SAMMSON: variants seen among roughly 807,000 people sequenced by gnomAD.
SAMMSON encodes the protein long intergenic non-protein coding RNA 1212.
chr3:70,197,117 C>T (rs1429104580), intron 4 of SAMMSON: 1 of 398,430 alleles, frequency 2.5e-6, no homozygotes, highest in Non-Finnish European at 4.4e-6. Context: ...TCGCAGGTGC[C>T]GGGGAGCATC....
intron 2 of SAMMSON, among the ~76,000 whole-genome samples, chr3:70,402,223 C>T (rs1047646560): frequency 6.6e-6 from 1 of 152,108 alleles, no homozygotes; most frequent in Admixed American, 6.6e-5. Flanking sequence ...AGCAATAGAA[C>T]TAGGTTTGTG....
At chr3:70,156,343 T>C (rs2067591758) in intron 4 of SAMMSON, among the ~76,000 whole-genome samples, 1 of 152,080 alleles carries the variant, frequency 6.6e-6, no homozygotes, top group Admixed American at 6.6e-5. Flanking sequence ...TCAACATGAC[T>C]GTGCAGTCGA....
rs561856699 is a variant in SAMMSON, at chr3:70,273,025, C to CA, written n.675-18151dup. On this transcript the variant is annotated intron_variant and non_coding_transcript_variant, in intron 6 of 9. Transcript: ENST00000642114. ...ACTTCCTCCCTTATCACTCCACCTC[C>CA]AAATATCCTTCTCACTCTCCTGCCT... 3.3e-4 allele frequency among the ~76,000 whole-genome samples: 50 copies of CA among 152,276 alleles called. No homozygotes were observed. The East Asian group carries it at 9.3e-3, about 28-fold the overall frequency.
intron 4 of SAMMSON, among the ~76,000 whole-genome samples, chr3:70,143,732 C>T (rs1184173083): frequency 6.6e-6 from 1 of 152,110 alleles, no homozygotes; most frequent in Non-Finnish European, 1.5e-5. Flanking sequence ...AAAGAGTGAG[C>T]TCCCTGCAGT....
Position 70,001,693 on chromosome 3 carries a change from A to T in SAMMSON, n.22+1826A>T, listed in dbSNP as rs550152035. Among the ~76,000 whole-genome samples the T allele has an allele frequency of 1.9e-3, 286 of 152,186 alleles. 1 individual carries two copies. The highest frequency in any genetic ancestry group is 3.1e-3 in the Non-Finnish European group (214 of 68,006). ...TCTAATTTTGCATACTCCTTGTGGG[A>T]TTGTAAATCAGGTCCCCTGTCCTCA... On this transcript the variant is annotated intron_variant and non_coding_transcript_variant, in intron 1 of 9. Coordinates refer to ENST00000642114, the Ensembl canonical transcript of SAMMSON.
At chr3:70,238,065 C>CTTTATA (rs1701629877) in intron 4 of SAMMSON, among the ~76,000 whole-genome samples, 1 of 126,936 alleles carries the variant, frequency 7.9e-6, no homozygotes, top group African/African-American at 3.1e-5. Flanking sequence ...CGAACCTATT[C>CTTTATA]TTTATACCTT....
At chr3:70,126,483 C>T (rs776914209) in intron 4 of SAMMSON, 2 of 647,642 alleles carry the variant, frequency 3.1e-6, no homozygotes, top group Non-Finnish European at 5.7e-6. Context: ...AGCAAGTCCT[C>T]TTTCTCCTCA....
intron 4 of SAMMSON, among the ~76,000 whole-genome samples, chr3:70,075,996 A>T (rs1254083200): frequency 1.3e-5 from 2 of 151,814 alleles, no homozygotes; most frequent in East Asian, 3.9e-4. Context: ...AGTAGAACTT[A>T]TGAATACTTA....
chr3:70,108,424 T>TTTTTTTTTTTTTTTTTTC (rs2067375909), intron 4 of SAMMSON, among the ~76,000 whole-genome samples: 1 of 90,210 alleles, frequency 1.1e-5, no homozygotes, highest in Non-Finnish European at 2.1e-5. Flanking sequence ...TTGCGGTTCC[T>TTTTTTTTTTTTTTTTTTC]TTTTTTTTTT....
intron 7 of SAMMSON, among the ~76,000 whole-genome samples, chr3:70,308,564 T>C (rs1271876815): frequency 4.6e-5 from 7 of 152,142 alleles, no homozygotes; most frequent in Non-Finnish European, 1.5e-5. Context: ...CATGACCCAT[T>C]TGGGGAAAGT....
intron 4 of SAMMSON, among the ~76,000 whole-genome samples, chr3:70,228,239 A>C (rs535144960): frequency 6.6e-6 from 1 of 152,072 alleles, no homozygotes; most frequent in Non-Finnish European, 1.5e-5. Flanking sequence ...AAACATTGCA[A>C]GCATGCCAAG....
At chr3:70,265,387 TA>T (rs750943471) in intron 6 of SAMMSON, among the ~76,000 whole-genome samples, 2 of 152,080 alleles carry the variant, frequency 1.3e-5, no homozygotes, top group Non-Finnish European at 2.9e-5. Context: ...GGAGCAAAGG[TA>T]AAGGAAGATG....
At chr3:70,105,258 A>C (rs569840977) in intron 4 of SAMMSON, among the ~76,000 whole-genome samples, 9 of 152,344 alleles carry the variant, frequency 5.9e-5, no homozygotes, top group African/African-American at 2.2e-4. Context: ...AAAGCAAAAG[A>C]GACGTAAAAT....
At chr3:70,348,630 G>A (rs1361865188) in intron 7 of SAMMSON, among the ~76,000 whole-genome samples, 1 of 152,062 alleles carries the variant, frequency 6.6e-6, no homozygotes. Flanking sequence ...ATGAATTTTA[G>A]GGGGACACAA....
chr3:70,394,381 C>A (rs1445808771), downstream of SAMMSON, among the ~76,000 whole-genome samples: 1 of 152,024 alleles, frequency 6.6e-6, no homozygotes, highest in East Asian at 1.9e-4. Flanking sequence ...CCTTGACATG[C>A]CATATTGGAG....
chr3:70,203,034 C>T (rs1701257016), intron 4 of SAMMSON, among the ~76,000 whole-genome samples: 1 of 152,004 alleles, frequency 6.6e-6, no homozygotes, highest in Admixed American at 6.6e-5. Flanking sequence ...ATAAGAGCAC[C>T]CACAGAAGTT....
intron 4 of SAMMSON, among the ~76,000 whole-genome samples, chr3:70,151,124 A>G (rs6806567): frequency 0.26 from 39,073 of 152,004 alleles, 5,314 homozygotes; most frequent in East Asian, 0.51. Context: ...TTAAACAGGT[A>G]TGAGAAGTCT....
intron 1 of SAMMSON, among the ~76,000 whole-genome samples, chr3:70,011,963 A>T (rs1360384717): frequency 1.3e-5 from 2 of 152,066 alleles, no homozygotes; most frequent in African/African-American, 4.8e-5. Flanking sequence ...ACAACCAGAA[A>T]TGGCAACGCT....
intron 8 of SAMMSON, among the ~76,000 whole-genome samples, chr3:70,357,878 T>C (rs1702841458): frequency 6.6e-6 from 1 of 152,174 alleles, no homozygotes; most frequent in Non-Finnish European, 1.5e-5. Context: ...TGGGATATGA[T>C]TTTTCCTGCC....
Sources: allele counts gnomAD v4.1 joint callset (sites outside exome capture counted in the v4.1 genomes callset), GRCh38; gene constraint gnomAD v4.1.1; transcripts MANE v1.5; gene names NCBI Gene and HGNC (gene_info 2026-07-23, HGNC 2026-07-21).